PIP5K1C: variants seen among roughly 807,000 people sequenced by gnomAD.
PIP5K1C encodes the protein phosphatidylinositol 4-phosphate 5-kinase type-1 gamma.
Under a neutral mutation model 80.1 loss-of-function variants are expected in PIP5K1C, and 45 were observed. That is an observed-to-expected ratio of 0.56 (90% CI 0.44 to 0.72). The LOEUF (loss-of-function observed/expected upper bound fraction) is 0.72. Among genes scored for constraint, PIP5K1C ranks in the 30% least tolerant of loss-of-function variants. The pLI, the probability that PIP5K1C is intolerant of heterozygous loss-of-function variation, is 0.00. For synonymous variants in PIP5K1C, 498 were observed against 420.1 expected (o/e 1.19, Z -2.27); for missense variants, 753 against 954.6 (o/e 0.79, Z 2.78).
chr19:3,671,680 G>A (rs529979791), intron 1 of PIP5K1C, among the ~76,000 whole-genome samples: 4 of 152,338 alleles, frequency 2.6e-5, no homozygotes, highest in African/African-American at 9.6e-5. Context: ...GGGGAGACCA[G>A]AGCCGAGTGT....
chr19:3,646,084 C>A (rs2034202403), intron 10 of PIP5K1C, 26 bp from the exon 11 acceptor site: 1 of 1,481,262 alleles, frequency 6.8e-7, no homozygotes, highest in Admixed American at 1.7e-5. Context: ...GGGGGGTGCC[C>A]GGGGGCAGAG....
chr19:3,668,164 G>A (rs910095631), intron 1 of PIP5K1C, among the ~76,000 whole-genome samples: 2 of 152,056 alleles, frequency 1.3e-5, no homozygotes, highest in African/African-American at 4.8e-5. Flanking sequence ...GGGCTGAGCC[G>A]GGAGCACCTT....
At position 3,700,278 on chromosome 19, in the gene PIP5K1C, C is replaced by G. The variant is rs773995938; in HGVS notation, c.94+19G>C. 3 of 1,232,746 alleles carry G rather than the reference C, an allele frequency of 2.4e-6. No individual in the cohort carries two copies. The highest frequency in any genetic ancestry group is 1.6e-5 in the African/African-American group (1 of 62,188). The allele number at this position is 1,232,746 out of a possible 1,614,324, so 76.4% of individuals were successfully genotyped here. A position where few individuals can be genotyped will look rare whatever the true frequency, so the allele number is the denominator to read the frequency against. ...GGACGAGCCCAGCGGGCCGCAGCCC[C>G]GGGAGGCCGGGCCGTTACCTGCCGC... On this transcript the variant is annotated intron_variant, in intron 1 of 17. Transcript: ENST00000335312.
In PIP5K1C at chr19:3,641,703, A is replaced by G; in HGVS notation, c.1787+2T>C. 4.4e-6 allele frequency: 7 copies of G among 1,605,730 alleles called. No individual in the cohort carries two copies. The highest frequency in any genetic ancestry group is 5.1e-6 in the Non-Finnish European group (6 of 1,179,310). Reference sequence around the variant, plus strand: ...CCGACCTCCCGCCGAGGCCGTGCTCACCCTGCGTCCTCCTCTTTGGGGACC... The same window carrying G: ...CCGACCTCCCGCCGAGGCCGTGCTCGCCCTGCGTCCTCCTCTTTGGGGACC... On this transcript the variant is annotated splice_donor_variant, in intron 15 of 17. Coordinates refer to ENST00000335312, the MANE Select transcript of PIP5K1C (RefSeq NM_012398.3). LOFTEE classifies it high-confidence loss of function.
At position 3,655,667 on chromosome 19, in the gene PIP5K1C, G is replaced by A. The variant is rs1483196150; in HGVS notation, c.621+738C>T. Among the ~76,000 whole-genome samples, 6 of 152,288 alleles carry A rather than the reference G, an allele frequency of 3.9e-5. No individual in the cohort carries two copies. The East Asian group carries it at 7.7e-4, about 20-fold the overall frequency. On this transcript the variant is annotated intron_variant, in intron 6 of 17. Transcript: ENST00000335312. ...GGCCTTTAAAGACTGAGTTTGCTGA[G>A]CCTGATCTAAGGAGCCCGGGCCCCT...
intron 16 of PIP5K1C, among the ~76,000 whole-genome samples, chr19:3,635,627 G>A (rs2033651475): frequency 6.6e-6 from 1 of 152,010 alleles, no homozygotes; most frequent in Admixed American, 6.6e-5. Flanking sequence ...AGGTTGCAGT[G>A]AGCTGAAATT....
chr19:3,664,780 T>G, intron 3 of PIP5K1C, 42 bp downstream of exon 3: 1 of 1,504,680 alleles, frequency 6.6e-7, no homozygotes, highest in Non-Finnish European at 9.2e-7. Context: ...TCCCCTCTGC[T>G]CTGTCCCGCT....
At position 3,700,401 on chromosome 19, in the gene PIP5K1C, G is replaced by A. The variant is rs1410101815; in HGVS notation, c.-11C>T. The A allele has an allele frequency of 9.0e-7, 1 of 1,113,870 alleles. No homozygotes were observed. The highest frequency in any genetic ancestry group is 4.6e-5 in the Admixed American group (1 of 21,508). 69.0% of individuals were successfully genotyped at this position (1,113,870 alleles called of 1,614,324 possible). A position where few individuals can be genotyped will look rare whatever the true frequency, so the allele number is the denominator to read the frequency against. On this transcript the variant is annotated 5_prime_UTR_variant, in exon 1 of 18. Coordinates refer to ENST00000335312, the MANE Select transcript of PIP5K1C (RefSeq NM_012398.3). ...TACCTCCAGCTCCATGGCCGCGCGC[G>A]GACGGCGGCGGGGGCGCCCGAGGGG...
chr19:3,678,916 G>A (rs1354455436), intron 1 of PIP5K1C, among the ~76,000 whole-genome samples: 1 of 143,644 alleles, frequency 7.0e-6, no homozygotes, highest in Non-Finnish European at 1.5e-5. Context: ...AGGAAGGGAT[G>A]GAGGGATGGA....
chr19:3,697,782 A>G (rs1469874476), intron 1 of PIP5K1C, among the ~76,000 whole-genome samples: 2 of 152,280 alleles, frequency 1.3e-5, no homozygotes, highest in African/African-American at 4.8e-5. Flanking sequence ...AGACACGCCC[A>G]GGCCACAGCT....
At chr19:3,652,182 A>C in intron 7 of PIP5K1C, 151 bp from the exon 8 acceptor site, 1 of 660,802 alleles carries the variant, frequency 1.5e-6, no homozygotes, top group Non-Finnish European at 2.7e-6. Flanking sequence ...TGGGGGTTCT[A>C]GTGTTATCCT....
chr19:3,650,585 C>T (rs2034401297), intron 8 of PIP5K1C, among the ~76,000 whole-genome samples: 1 of 152,250 alleles, frequency 6.6e-6, no homozygotes, highest in African/African-American at 2.4e-5. Context: ...TGACCCAGCC[C>T]TCACATCCAG....
chr19:3,682,374 A>G (rs2035616233), intron 1 of PIP5K1C, among the ~76,000 whole-genome samples: 1 of 143,464 alleles, frequency 7.0e-6, no homozygotes, highest in Non-Finnish European at 1.5e-5. Context: ...ACTCCATCTA[A>G]AAAAAAAAAA....
chr19:3,644,319 G>T, intron 11 of PIP5K1C, 68 bp from the exon 12 acceptor site: 3 of 1,517,892 alleles, frequency 2.0e-6, no homozygotes, highest in Non-Finnish European at 2.7e-6. Flanking sequence ...AGACAGGGCC[G>T]CCGCCCACAT....
At position 3,688,920 on chromosome 19, in the gene PIP5K1C, C is replaced by T. The variant is rs904133842; in HGVS notation, c.94+11377G>A. 7.1e-5 allele frequency among the ~76,000 whole-genome samples: 10 copies of T among 141,410 alleles called. No homozygotes were observed. The highest frequency in any genetic ancestry group is 2.6e-4 in the South Asian group (1 of 3,844). 92.8% of individuals were successfully genotyped at this position (141,410 alleles called of 152,430 possible). The stretch of plus-strand genomic sequence containing the variant: ...GTCCCCAACACAGCCTGCAAATGGG[C>T]GGGGGCCTGGGAGAGTGCCCGGGAT... On this transcript the variant is annotated intron_variant, in intron 1 of 17. Coordinates refer to ENST00000335312, the MANE Select transcript of PIP5K1C (RefSeq NM_012398.3). The surrounding 1 kb of genome is among the most constrained non-coding windows in gnomAD (Gnocchi z 5.3).
chr19:3,662,612 C>G (rs2145489390), intron 3 of PIP5K1C, among the ~76,000 whole-genome samples: 1 of 152,302 alleles, frequency 6.6e-6, no homozygotes, highest in South Asian at 2.1e-4. Context: ...GTCGCCCAGG[C>G]TGGAGTGCAG....
intron 16 of PIP5K1C, 26 bp downstream of exon 16, chr19:3,638,856 GGC>G (rs2033823511): frequency 1.9e-6 from 3 of 1,612,548 alleles, no homozygotes; most frequent in Non-Finnish European, 1.7e-6. Context: ...TTGACGAGCC[GGC>G]GGCAGGAGGA....
chr19:3,676,329 C>T (rs921216888), intron 1 of PIP5K1C, among the ~76,000 whole-genome samples: 5 of 152,218 alleles, frequency 3.3e-5, no homozygotes, highest in Admixed American at 1.3e-4. Flanking sequence ...TCACCCGGTA[C>T]ATCCGCGGTC....
chr19:3,689,991 T>C (rs1313576285), intron 1 of PIP5K1C, among the ~76,000 whole-genome samples: 1 of 152,164 alleles, frequency 6.6e-6, no homozygotes, highest in Non-Finnish European at 1.5e-5. Context: ...TAGCCTAATA[T>C]AATCTGAGCC....
Sources: allele counts gnomAD v4.1 joint callset (sites outside exome capture counted in the v4.1 genomes callset), GRCh38; gene constraint gnomAD v4.1.1; non-coding constraint Gnocchi (gnomAD v3.1); transcripts MANE v1.5; gene names NCBI Gene and HGNC (gene_info 2026-07-23, HGNC 2026-07-21).